Variants in HPSE2 observed in about 807,000 individuals in gnomAD.
HPSE2 encodes heparanase 2 (inactive).
Under a neutral mutation model 60.5 loss-of-function variants are expected in HPSE2, and 38 were observed. That is an observed-to-expected ratio of 0.63 (90% CI 0.48 to 0.82). The LOEUF is 0.82. Among genes scored for constraint, HPSE2 ranks in the 40% least tolerant of loss-of-function variants. The pLI is 0.00. For missense variants in HPSE2, 713 were observed against 740.4 expected, an observed-to-expected ratio of 0.96 and a Z score of 0.43; for synonymous variants, 295 against 293.2, an observed-to-expected ratio of 1.01 and a Z score of -0.06.
intron 4 of HPSE2, among the ~76,000 whole-genome samples, chr10:98,733,758 G>C (rs1296096117): frequency 6.6e-6 from 1 of 151,368 alleles, no homozygotes; most frequent in East Asian, 1.9e-4. Flanking sequence ...GCCTCTAAGA[G>C]AGTAACACTA....
chr10:98,815,327 G>T (rs1280576907), intron 3 of HPSE2, among the ~76,000 whole-genome samples: 1 of 152,174 alleles, frequency 6.6e-6, no homozygotes, highest in Non-Finnish European at 1.5e-5. Flanking sequence ...AAGACAGGCA[G>T]TATATAACAG....
chr10:98,868,887 G>A (rs1952660770), intron 3 of HPSE2, among the ~76,000 whole-genome samples: 1 of 152,028 alleles, frequency 6.6e-6, no homozygotes. Flanking sequence ...TCCAAATGTG[G>A]ATTTTTCTAG....
At chr10:98,544,185 A>G (rs1943571376) in intron 9 of HPSE2, among the ~76,000 whole-genome samples, 1 of 152,184 alleles carries the variant, frequency 6.6e-6, no homozygotes, top group Admixed American at 6.5e-5. Flanking sequence ...CTCACCCAAA[A>G]CTGCTCAAGT....
At chr10:99,267,871 A>G in the HPSE2 span, among the ~76,000 whole-genome samples, 1 of 152,178 alleles carries the variant, frequency 6.6e-6, no homozygotes, top group Admixed American at 6.5e-5. Context: ...AGTTTGGAAA[A>G]TGTATTTGAG....
chr10:98,560,383 C>T (rs1233539855), intron 9 of HPSE2, among the ~76,000 whole-genome samples: 2 of 152,234 alleles, frequency 1.3e-5, no homozygotes, highest in Non-Finnish European at 2.9e-5. Flanking sequence ...TCGTGACAAA[C>T]AGGCAGGTGG....
intron 6 of HPSE2, among the ~76,000 whole-genome samples, chr10:98,652,766 T>C (rs1174958443): frequency 6.6e-6 from 1 of 152,246 alleles, no homozygotes; most frequent in Admixed American, 6.5e-5. Context: ...GGCTAAAATG[T>C]GACATGGACT....
chr10:98,969,000 CATAA>C (rs977502055), intron 3 of HPSE2, among the ~76,000 whole-genome samples: 3 of 152,062 alleles, frequency 2.0e-5, no homozygotes, highest in African/African-American at 7.2e-5. Flanking sequence ...AAATAAAAAA[CATAA>C]ATAAATAAAT....
chr10:98,537,667 A>G (rs1943327189), intron 9 of HPSE2, among the ~76,000 whole-genome samples: 1 of 152,198 alleles, frequency 6.6e-6, no homozygotes, highest in African/African-American at 2.4e-5. Context: ...TCCTTGGTCA[A>G]GCGGTAACGC....
At chr10:99,094,502 CT>C (rs945784380) in intron 3 of HPSE2, among the ~76,000 whole-genome samples, 1 of 89,954 alleles carries the variant, frequency 1.1e-5, no homozygotes, top group Non-Finnish European at 2.1e-5. Context: ...GTTATTCTCT[CT>C]TTTTTATCAT....
At chr10:98,726,254 G>A (rs1208626913) in intron 4 of HPSE2, among the ~76,000 whole-genome samples, 1 of 152,146 alleles carries the variant, frequency 6.6e-6, no homozygotes, top group African/African-American at 2.4e-5. Flanking sequence ...AACAATGATA[G>A]AGTGGATTAA....
At position 98,790,412 on chromosome 10, in the gene HPSE2, CT is replaced by C. The variant is rs560811307; in HGVS notation, c.611-46357del. Among the ~76,000 whole-genome samples, 161 of 152,162 alleles carry C rather than the reference CT, an allele frequency of 1.1e-3. 2 individuals are homozygous for C. Among genetic ancestry groups the C allele is most frequent in the Middle Eastern group, 0.01 (3 of 294 alleles). ...CACAAAGAGACAAATACTGTATGAT[CT>C]CACTTATATGTGGAATCTAAAAAAG... On this transcript the variant is annotated intron_variant, in intron 3 of 11. Coordinates refer to ENST00000370552, the MANE Select transcript of HPSE2 (RefSeq NM_021828.5).
chr10:98,691,617 G>A (rs1010349572), intron 6 of HPSE2, among the ~76,000 whole-genome samples: 2 of 152,080 alleles, frequency 1.3e-5, no homozygotes, highest in Non-Finnish European at 2.9e-5. Context: ...TTTATACTAC[G>A]TTATCCAGAT....
At chr10:98,994,502 A>G (rs547007209) in intron 3 of HPSE2, among the ~76,000 whole-genome samples, 52 of 152,154 alleles carry the variant, frequency 3.4e-4, no homozygotes, top group African/African-American at 1.2e-3. Context: ...GCAAGTAGCT[A>G]TGTGGCATGT....
In HPSE2 at chr10:98,788,616, C is replaced by G. The variant is rs1950584177; in HGVS notation, c.611-44560G>C. On this transcript the variant is annotated intron_variant, in intron 3 of 11. Transcript: ENST00000370552. The stretch of plus-strand genomic sequence containing the variant: ...AGCGAGATTCCGTGGGCGTAGGACC[C>G]TCTGAGCCAGGTGTGGGATATCGTC... 2.0e-5 allele frequency among the ~76,000 whole-genome samples: 3 copies of G among 152,198 alleles called. No homozygotes were observed. In the South Asian group the frequency reaches 6.2e-4, roughly 32 times the overall value.
chr10:99,057,705 C>T lies in HPSE2; in HGVS notation c.610+86533G>A, dbSNP rs894553154. ...ATCAAGTTCATTCAAGTCAGGAAGA[C>T]TGACCTTTCCCAACATTAACCCAGG... On this transcript the variant is annotated intron_variant, in intron 3 of 11. Transcript: ENST00000370552. Among the ~76,000 whole-genome samples the T allele has an allele frequency of 7.2e-5, 11 of 152,320 alleles. No individual in the cohort carries two copies. In the East Asian group the frequency reaches 2.1e-3, roughly 29 times the overall value.
intron 3 of HPSE2, among the ~76,000 whole-genome samples, chr10:98,802,041 A>G (rs1340711568): frequency 1.3e-5 from 2 of 148,392 alleles, no homozygotes; most frequent in Non-Finnish European, 2.9e-5. Flanking sequence ...CCACACATCT[A>G]TAGTGAACTC....
chr10:98,815,837 CG>C (rs1477854220), intron 3 of HPSE2, among the ~76,000 whole-genome samples: 29 of 152,060 alleles, frequency 1.9e-4, no homozygotes, highest in African/African-American at 6.0e-4. Flanking sequence ...AACGAATTTA[CG>C]TAAGATTTAA....
chr10:98,617,882 C>T (rs182335323), intron 8 of HPSE2, among the ~76,000 whole-genome samples: 4 of 152,288 alleles, frequency 2.6e-5, no homozygotes, highest in African/African-American at 7.2e-5. Context: ...TTTGAACACT[C>T]GGTAGCAGAG....
chr10:98,718,439 T>C (rs1255814242), intron 5 of HPSE2, among the ~76,000 whole-genome samples: 1 of 152,134 alleles, frequency 6.6e-6, no homozygotes, highest in Non-Finnish European at 1.5e-5. Context: ...CACCTATGGG[T>C]ATGTATCCAA....
Sources: gnomAD v4.1 joint callset for allele counts (sites outside exome capture counted in the v4.1 genomes callset) on GRCh38, gnomAD v4.1.1 for gene constraint, MANE v1.5 for transcripts, NCBI Gene and HGNC (gene_info 2026-07-23, HGNC 2026-07-21) for gene names.